CNNM2: variants seen among roughly 807,000 people sequenced by gnomAD.
The protein encoded by CNNM2 is cyclin and CBS domain divalent metal cation transport mediator 2.
CNNM2 carries 12 observed loss-of-function variants against 66.9 expected under a neutral mutation model. That is an observed-to-expected ratio of 0.18 (90% CI 0.11 to 0.29). The LOEUF (loss-of-function observed/expected upper bound fraction) is 0.29. Ranked by LOEUF, CNNM2 falls within the 10% of genes least tolerant of loss-of-function variation. The pLI is 1.00. For synonymous variants in CNNM2, 557 were observed against 501.8 expected (o/e 1.11, Z -1.47); for missense variants, 705 against 1,167.7 (o/e 0.60, Z 5.77).
At chr10:102,971,568 G>GT (rs146594318) in intron 1 of CNNM2, among the ~76,000 whole-genome samples, 2 of 151,940 alleles carry the variant, frequency 1.3e-5, no homozygotes, top group Non-Finnish European at 2.9e-5. Flanking sequence ...TTTTGTGGCT[G>GT]TTTTTTTCAG....
At chr10:103,010,328 C>T (rs1564843800) in intron 1 of CNNM2, among the ~76,000 whole-genome samples, 1 of 151,856 alleles carries the variant, frequency 6.6e-6, no homozygotes, top group African/African-American at 2.4e-5. Flanking sequence ...GCCTGGACCT[C>T]CTGGGGTCAG....
intron 4 of CNNM2, among the ~76,000 whole-genome samples, chr10:103,062,936 A>G (rs978544704): frequency 6.6e-6 from 1 of 152,196 alleles, no homozygotes; most frequent in Non-Finnish European, 1.5e-5. Flanking sequence ...TCAGTATGAA[A>G]CGAATGCTTC....
rs1484536775 is a variant in CNNM2, at chr10:103,080,421, A to G, written c.*3241A>G. On this transcript the variant is annotated 3_prime_UTR_variant, in exon 8 of 8. Transcript: ENST00000369878. ...ATCATACATTTAAACTCTTAGGAAA[A>G]CAAAATCTTAAGACTTACACAGATA... is the stretch of plus-strand genomic sequence containing the variant. The G allele has an allele frequency of 6.6e-6, 1 of 152,212 alleles. No homozygotes were observed. Among genetic ancestry groups the G allele is most frequent in the East Asian group, 1.9e-4 (1 of 5,190 alleles). 9.4% of individuals were successfully genotyped at this position (152,212 alleles called of 1,614,324 possible). A position where few individuals can be genotyped will look rare whatever the true frequency, so the allele number is the denominator to read the frequency against.
intron 1 of CNNM2, among the ~76,000 whole-genome samples, chr10:103,007,872 AG>A (rs1203915171): frequency 6.6e-6 from 1 of 152,230 alleles, no homozygotes; most frequent in African/African-American, 2.4e-5. Context: ...AAAATAAGAC[AG>A]GCGTTAAGAA....
At chr10:102,921,576 C>G (rs1201398414) in intron 1 of CNNM2, among the ~76,000 whole-genome samples, 1 of 152,112 alleles carries the variant, frequency 6.6e-6, no homozygotes, top group Non-Finnish European at 1.5e-5. Flanking sequence ...AGAAAATGTC[C>G]AGTATCTCTA....
At chr10:102,921,336 A>C (rs1845628094) in intron 1 of CNNM2, among the ~76,000 whole-genome samples, 1 of 152,206 alleles carries the variant, frequency 6.6e-6, no homozygotes, top group Non-Finnish European at 1.5e-5. Context: ...TCTCCTCTGA[A>C]AAAGGTGATA....
At chr10:102,969,619 G>A (rs1241250892) in intron 1 of CNNM2, among the ~76,000 whole-genome samples, 6 of 152,044 alleles carry the variant, frequency 3.9e-5, no homozygotes, top group Admixed American at 3.9e-4. Flanking sequence ...CTCTATAATA[G>A]CGGCAATTGG....
At position 102,945,304 on chromosome 10, in the gene CNNM2, G is replaced by T. The variant is rs552925833; in HGVS notation, c.1621+25203G>T. 6.6e-5 allele frequency among the ~76,000 whole-genome samples: 10 copies of T among 152,240 alleles called. No individual in the cohort carries two copies. The South Asian group carries it at 2.1e-3, about 32-fold the overall frequency. ...TTTAGTGTTTTGCCCAAGAGCAACT[G>T]TGTAGTTGGTAACAACTGTTTTAGG... On this transcript the variant is annotated intron_variant, in intron 1 of 7. Coordinates refer to ENST00000369878, the MANE Select transcript of CNNM2 (RefSeq NM_017649.5).
chr10:103,053,904 C>T (rs1357798661), intron 2 of CNNM2, among the ~76,000 whole-genome samples: 1 of 152,206 alleles, frequency 6.6e-6, no homozygotes, highest in African/African-American at 2.4e-5. Context: ...CAGGGACACT[C>T]CTCCCTTGTG....
At chr10:103,050,827 G>C (rs750034146) in intron 2 of CNNM2, among the ~76,000 whole-genome samples, 25 of 152,128 alleles carry the variant, frequency 1.6e-4, no homozygotes, top group Non-Finnish European at 3.1e-4. Context: ...CCCAGGTGTA[G>C]ACTTGATCCT....
At chr10:103,024,713 C>T (rs997621503) in intron 1 of CNNM2, among the ~76,000 whole-genome samples, 3 of 151,988 alleles carry the variant, frequency 2.0e-5, no homozygotes, top group Middle Eastern at 3.2e-3. Flanking sequence ...CTCCTGACCT[C>T]GTGATCGACC....
In CNNM2 at chr10:103,079,747, C is replaced by T. The variant is rs758729056; in HGVS notation, c.*2567C>T. ...GTTATTCTTTACCTTCTGTTAGTCA[C>T]ACTATTTTATAACATTAGGGAATCT... On this transcript the variant is annotated 3_prime_UTR_variant, in exon 8 of 8. Transcript: ENST00000369878. 2.6e-5 allele frequency: 4 copies of T among 152,206 alleles called. No homozygotes were observed. Among genetic ancestry groups the T allele is most frequent in the Non-Finnish European group, 5.9e-5 (4 of 68,036 alleles). 9.4% of individuals were successfully genotyped at this position (152,206 alleles called of 1,614,324 possible).
At chr10:102,987,347 G>A (rs1224040918) in intron 1 of CNNM2, among the ~76,000 whole-genome samples, 1 of 152,070 alleles carries the variant, frequency 6.6e-6, no homozygotes, top group Non-Finnish European at 1.5e-5. Flanking sequence ...TTGAGACGGA[G>A]TCTCGCTCTG....
At chr10:102,934,481 A>G (rs1231836215) in intron 1 of CNNM2, among the ~76,000 whole-genome samples, 1 of 151,590 alleles carries the variant, frequency 6.6e-6, no homozygotes, top group African/African-American at 2.4e-5. Flanking sequence ...AGGTTTCACC[A>G]TGTTGGCGAG....
chr10:102,987,357 G>T (rs1590353297), intron 1 of CNNM2, among the ~76,000 whole-genome samples: 1 of 152,076 alleles, frequency 6.6e-6, no homozygotes, highest in East Asian at 1.9e-4. Flanking sequence ...GTCTCGCTCT[G>T]TCACCCAGAC....
intron 4 of CNNM2, among the ~76,000 whole-genome samples, chr10:103,067,900 C>T (rs2065507993): frequency 6.6e-6 from 1 of 152,188 alleles, no homozygotes; most frequent in Non-Finnish European, 1.5e-5. Flanking sequence ...TTAAGTGCCT[C>T]CAGGAGTGTA....
intron 1 of CNNM2, among the ~76,000 whole-genome samples, chr10:103,002,521 C>T (rs2134257642): frequency 6.7e-6 from 1 of 149,764 alleles, no homozygotes; most frequent in South Asian, 2.1e-4. Flanking sequence ...CTTTTGTCGC[C>T]CAGGCTGGAG....
intron 4 of CNNM2, among the ~76,000 whole-genome samples, chr10:103,064,685 G>A (rs1262376938): frequency 6.6e-6 from 1 of 152,072 alleles, no homozygotes; most frequent in African/African-American, 2.4e-5. Flanking sequence ...TAAAAAAATA[G>A]AAAAATTAGC....
At chr10:102,971,192 A>AC (rs2063541451) in intron 1 of CNNM2, among the ~76,000 whole-genome samples, 2 of 142,962 alleles carry the variant, frequency 1.4e-5, no homozygotes, top group Admixed American at 7.3e-5. Flanking sequence ...ACAGAGTGAG[A>AC]CCCCATCCTT....
Sources: allele counts gnomAD v4.1 joint callset (sites outside exome capture counted in the v4.1 genomes callset), GRCh38; gene constraint gnomAD v4.1.1; transcripts MANE v1.5; gene names NCBI Gene and HGNC (gene_info 2026-07-23, HGNC 2026-07-21).